Variants in BABAM2 observed in about 807,000 individuals in gnomAD.
BABAM2 encodes the protein BRISC and BRCA1-A complex member 2.
In BABAM2, 31 loss-of-function variants were observed where a neutral mutation model predicts 54.7. The ratio of observed to expected loss-of-function variants is 0.57; its 90% CI spans 0.43 to 0.77. The LOEUF is 0.77. BABAM2 is among the 30% of genes least tolerant of loss of function. BABAM2 has a pLI of 0.00. For synonymous variants in BABAM2, 167 were observed against 162.9 expected, an observed-to-expected ratio of 1.03 and a Z score of -0.19; for missense variants, 364 against 455.8, an observed-to-expected ratio of 0.80 and a Z score of 1.83.
At chr2:28,265,927 T>A (rs756365535) in intron 10 of BABAM2, among the ~76,000 whole-genome samples, 1 of 152,200 alleles carries the variant, frequency 6.6e-6, no homozygotes, top group Non-Finnish European at 1.5e-5. Flanking sequence ...GTTTTTTTAA[T>A]TAGGCCTTTC....
At chr2:28,289,434 C>T (rs1462204715) in intron 10 of BABAM2, among the ~76,000 whole-genome samples, 1 of 152,134 alleles carries the variant, frequency 6.6e-6, no homozygotes, top group African/African-American at 2.4e-5. Flanking sequence ...TACCCATGTA[C>T]CCACCTTAAT....
At chr2:28,060,210 A>G (rs955512335) in intron 6 of BABAM2, among the ~76,000 whole-genome samples, 4 of 152,226 alleles carry the variant, frequency 2.6e-5, no homozygotes, top group African/African-American at 4.8e-5. Flanking sequence ...AAAATCAACA[A>G]TATAACTAAT....
chr2:28,176,439 G>T (rs572385127), intron 7 of BABAM2, among the ~76,000 whole-genome samples: 1 of 150,800 alleles, frequency 6.6e-6, no homozygotes, highest in Admixed American at 6.6e-5. Flanking sequence ...GCATGGTGGC[G>T]CACACCTGTA....
At chr2:28,109,171 A>G (rs1229863525) in intron 6 of BABAM2, among the ~76,000 whole-genome samples, 1 of 150,992 alleles carries the variant, frequency 6.6e-6, no homozygotes, top group Non-Finnish European at 1.5e-5. Context: ...TTGCTGCTCT[A>G]AAGACACATA....
chr2:28,255,651 A>C (rs959289546), intron 10 of BABAM2, among the ~76,000 whole-genome samples: 8 of 151,822 alleles, frequency 5.3e-5, no homozygotes, highest in African/African-American at 1.5e-4. Context: ...CTAACTTAGA[A>C]GTTTTTGTTT....
At chr2:28,150,343 G>T (rs1671906415) in intron 7 of BABAM2, among the ~76,000 whole-genome samples, 1 of 152,100 alleles carries the variant, frequency 6.6e-6, no homozygotes, top group Admixed American at 6.6e-5. Flanking sequence ...CCCTTTGCAG[G>T]GTATCTTACA....
intron 9 of BABAM2, 109 bp downstream of exon 9, chr2:28,241,502 CTT>C (rs376402633): frequency 1.1e-3 from 892 of 803,308 alleles, no homozygotes; most frequent in South Asian, 1.3e-3. Flanking sequence ...CACATGATAC[CTT>C]TTTTTTTTTT....
At chr2:28,062,201 T>G (rs191940168) in intron 6 of BABAM2, among the ~76,000 whole-genome samples, 10 of 145,738 alleles carry the variant, frequency 6.9e-5, no homozygotes, top group Non-Finnish European at 1.5e-5. Context: ...GAGGTTGCAG[T>G]GAGCTGAGAT....
intron 7 of BABAM2, among the ~76,000 whole-genome samples, chr2:28,229,649 A>G (rs1681197275): frequency 6.6e-6 from 1 of 151,382 alleles, no homozygotes; most frequent in Non-Finnish European, 1.5e-5. Context: ...CAGTGGCACA[A>G]TCTCATCTCA....
intron 4 of BABAM2, among the ~76,000 whole-genome samples, chr2:28,018,688 T>G (rs1205769839): frequency 1.3e-5 from 2 of 152,220 alleles, no homozygotes; most frequent in Non-Finnish European, 2.9e-5. Context: ...TTTTTGATTT[T>G]GGTCATTCTT....
At chr2:28,306,770 C>T (rs138980743) in intron 11 of BABAM2, among the ~76,000 whole-genome samples, 4,298 of 151,850 alleles carry the variant, frequency 0.028, 86 homozygotes, top group Middle Eastern at 0.044. Flanking sequence ...GACCTCGGCT[C>T]ATGGCAACCT....
chr2:28,310,433 G>T (rs1202239290), intron 11 of BABAM2: 2 of 340,406 alleles, frequency 5.9e-6, no homozygotes, highest in Admixed American at 8.5e-5. Flanking sequence ...GTATTCCTTT[G>T]GTTCCACTGG....
chr2:28,023,141 T>C (rs1052068556), intron 4 of BABAM2, among the ~76,000 whole-genome samples: 12 of 152,206 alleles, frequency 7.9e-5, no homozygotes, highest in African/African-American at 2.9e-4. Flanking sequence ...CTTTAACCAT[T>C]TGTTTGAATC....
intron 6 of BABAM2, among the ~76,000 whole-genome samples, chr2:28,102,765 T>A (rs991126761): frequency 2.0e-5 from 3 of 152,192 alleles, no homozygotes; most frequent in African/African-American, 4.8e-5. Flanking sequence ...TAGGGGAGGT[T>A]AGAGCAATTC....
At chr2:28,137,624 C>G (rs1311405092) in intron 7 of BABAM2, among the ~76,000 whole-genome samples, 14 of 152,140 alleles carry the variant, frequency 9.2e-5, no homozygotes, top group Admixed American at 9.2e-4. Flanking sequence ...TCAATCAGCC[C>G]CAAAATATCA....
intron 4 of BABAM2, among the ~76,000 whole-genome samples, chr2:28,009,100 A>T (rs1193926495): frequency 6.6e-6 from 1 of 152,154 alleles, no homozygotes; most frequent in African/African-American, 2.4e-5. Flanking sequence ...TTCAATCACA[A>T]TGAGAAAATT....
intron 8 of BABAM2, among the ~76,000 whole-genome samples, chr2:28,239,954 C>T (rs1411698338): frequency 6.6e-6 from 1 of 152,164 alleles, no homozygotes; most frequent in African/African-American, 2.4e-5. Flanking sequence ...CCAGTATCAT[C>T]TAGGAAGTTT....
intron 10 of BABAM2, among the ~76,000 whole-genome samples, chr2:28,274,681 G>A (rs1218468767): frequency 2.0e-5 from 3 of 152,110 alleles, no homozygotes; most frequent in Admixed American, 6.6e-5. Flanking sequence ...TATGCACAGC[G>A]CCTGGCCCGG....
At chr2:28,241,113 T>G (rs1307610188) in intron 8 of BABAM2, among the ~76,000 whole-genome samples, 1 of 152,168 alleles carries the variant, frequency 6.6e-6, no homozygotes, top group Non-Finnish European at 1.5e-5. Flanking sequence ...GTCTCTCATT[T>G]CCTTTGAAGT....
Sources: allele counts gnomAD v4.1 joint callset (sites outside exome capture counted in the v4.1 genomes callset), GRCh38; gene constraint gnomAD v4.1.1; transcripts MANE v1.5; gene names NCBI Gene and HGNC (gene_info 2026-07-23, HGNC 2026-07-21).